PDE9A: variants seen among roughly 807,000 people sequenced by gnomAD.
PDE9A encodes phosphodiesterase 9A.
PDE9A carries 60 observed loss-of-function variants against 87.4 expected under a neutral mutation model. The ratio of observed to expected loss-of-function variants is 0.69; its 90% CI spans 0.56 to 0.85. The LOEUF (loss-of-function observed/expected upper bound fraction) is 0.85, where lower values mean the gene tolerates loss of function less well. PDE9A is among the 40% of genes least tolerant of loss of function. The probability of loss-of-function intolerance (pLI) is 0.00; values close to 1 mark genes in which losing one functional copy is unlikely to be tolerated. For missense variants in PDE9A, 665 were observed against 779.0 expected (o/e 0.85, Z 1.74); for synonymous variants, 272 against 279.4 (o/e 0.97, Z 0.27).
Position 42,692,821 on chromosome 21 carries a change from GC to G in PDE9A, c.218+4828del, listed in dbSNP as rs2059927819. 6.6e-6 allele frequency among the ~76,000 whole-genome samples: 1 copy of G among 152,094 alleles called. No individual in the cohort carries two copies. Among genetic ancestry groups the G allele is most frequent in the South Asian group, 2.1e-4 (1 of 4,824 alleles). On this transcript the variant is annotated intron_variant, in intron 3 of 19. Coordinates refer to ENST00000291539, the MANE Select transcript of PDE9A (RefSeq NM_002606.3). This position sits in a 1 kb window ranked among gnomAD's most constrained non-coding sequence, Gnocchi z 4.3. ...TCCTCCACTCGGTGCCTGGTGACAT[GC>G]GGCCATCCTCAGAGATGTGCTTCGG...
Position 42,726,609 on chromosome 21 carries a change from TATA to T in PDE9A, c.263-5160_263-5158del, listed in dbSNP as rs1569207166. Among the ~76,000 whole-genome samples, 14 of 25,502 alleles carry T rather than the reference TATA, an allele frequency of 5.5e-4. 1 individual carries two copies. Among genetic ancestry groups the T allele is most frequent in the African/African-American group, 3.8e-3 (14 of 3,728 alleles). The allele number at this position is 25,502 out of a possible 152,430, so 16.7% of individuals were successfully genotyped here. A position where few individuals can be genotyped will look rare whatever the true frequency, so the allele number is the denominator to read the frequency against. ...ACGCCTGGCCATATATATATATATA[TATA>T]TATATATATATATTTTTTTTTTTTT... On this transcript the variant is annotated intron_variant, in intron 4 of 19. Transcript: ENST00000291539.
intron 9 of PDE9A, among the ~76,000 whole-genome samples, chr21:42,751,697 C>G (rs373285818): frequency 1.3e-5 from 2 of 151,218 alleles, no homozygotes. Context: ...GCCGGTCACC[C>G]GCTCAACGCC....
In PDE9A at chr21:42,772,437, A is replaced by G. The variant is rs541489722; in HGVS notation, c.1687-2A>G. 9 of 1,601,606 alleles carry G rather than the reference A, an allele frequency of 5.6e-6. No individual in the cohort carries two copies. The East Asian group carries it at 2.0e-4, about 36-fold the overall frequency. On this transcript the variant is annotated splice_acceptor_variant, in intron 18 of 19. Transcript: ENST00000291539. LOFTEE classifies it high-confidence loss of function. ...CTTGGCCTTCTCTGTACTCTGTTCC[A>G]GTTACAGAAGAAGACTGACAGCTTG...
intron 1 of PDE9A, among the ~76,000 whole-genome samples, chr21:42,658,139 G>C (rs1376836349): frequency 6.6e-6 from 1 of 152,162 alleles, no homozygotes; most frequent in Non-Finnish European, 1.5e-5. Context: ...TGGGCAGCTG[G>C]TGGGGTCTGC....
At position 42,730,127 on chromosome 21, in the gene PDE9A, A is replaced by G. The variant is rs1402029167; in HGVS notation, c.263-1643A>G. ...AGTGATCTAAACCCCTGCTGAGTTC[A>G]CCAAGTGGCCTGTAAAACCCTATGA... On this transcript the variant is annotated intron_variant, in intron 4 of 19. Transcript: ENST00000291539. Among the ~76,000 whole-genome samples, 5 of 152,180 alleles carry G rather than the reference A, an allele frequency of 3.3e-5. No homozygotes were observed. The East Asian group carries it at 9.6e-4, about 29-fold the overall frequency.
chr21:42,656,590 G>A lies in PDE9A; in HGVS notation c.69+2707G>A, dbSNP rs375735987. ...AGAGGAGCCGCTGCAGCCACTTGGC[G>A]CCAGGCCAATGCTTTATTTATATGA... On this transcript the variant is annotated intron_variant, in intron 1 of 19. Coordinates refer to ENST00000291539, the MANE Select transcript of PDE9A (RefSeq NM_002606.3). Among the ~76,000 whole-genome samples the A allele has an allele frequency of 7.9e-5, 5 of 63,018 alleles. No individual in the cohort carries two copies. The East Asian group carries it at 1.4e-3, about 17-fold the overall frequency. The allele number at this position is 63,018 out of a possible 152,430, so 41.3% of individuals were successfully genotyped here.
intron 1 of PDE9A, among the ~76,000 whole-genome samples, chr21:42,664,796 CG>C (rs1369446004): frequency 6.6e-6 from 1 of 152,218 alleles, no homozygotes; most frequent in African/African-American, 2.4e-5. Flanking sequence ...ACGGCCGGGT[CG>C]GCCTTGCGAG....
intron 1 of PDE9A, among the ~76,000 whole-genome samples, chr21:42,673,997 C>T (rs1344066956): frequency 6.6e-6 from 1 of 152,220 alleles, no homozygotes; most frequent in East Asian, 1.9e-4. Context: ...GAGTGTGTTG[C>T]TTTGCAATTA....
chr21:42,752,381 C>T (rs1233960002), intron 9 of PDE9A, among the ~76,000 whole-genome samples: 4 of 151,558 alleles, frequency 2.6e-5, no homozygotes, highest in Admixed American at 2.6e-4. Context: ...AAGTGATTCT[C>T]CTGCCTCAGC....
intron 4 of PDE9A, among the ~76,000 whole-genome samples, chr21:42,720,262 G>C (rs1244822120): frequency 1.3e-5 from 2 of 152,208 alleles, no homozygotes; most frequent in Non-Finnish European, 2.9e-5. Flanking sequence ...GGGAGGCCAA[G>C]GCGGGCGGAT....
At chr21:42,750,466 G>GTT (rs1050505541) in intron 8 of PDE9A, among the ~76,000 whole-genome samples, 2 of 145,192 alleles carry the variant, frequency 1.4e-5, no homozygotes, top group Non-Finnish European at 3.0e-5. Flanking sequence ...ATATTTTGGT[G>GTT]TTTTTTTTTT....
chr21:42,710,280 G>A (rs2049201632), intron 4 of PDE9A, among the ~76,000 whole-genome samples: 1 of 151,962 alleles, frequency 6.6e-6, no homozygotes, highest in Non-Finnish European at 1.5e-5. Flanking sequence ...GTGGTGGTGT[G>A]TGCCTGTAGT....
intron 13 of PDE9A, among the ~76,000 whole-genome samples, chr21:42,761,262 C>G (rs1052205859): frequency 2.0e-5 from 3 of 152,258 alleles, no homozygotes; most frequent in South Asian, 4.1e-4. Context: ...TCCACACCCC[C>G]CTCTCAGGAG....
In PDE9A at chr21:42,760,388, G is replaced by A. The variant is rs1196221237; in HGVS notation, c.958G>A (p.Val320Met). The A allele has an allele frequency of 2.1e-5, 33 of 1,609,390 alleles. No individual in the cohort carries two copies. Among genetic ancestry groups the A allele is most frequent in the Non-Finnish European group, 2.5e-5 (30 of 1,179,416 alleles). The change falls in exon 12 of 20, where the codon GTG becomes ATG. Residue 320 changes from valine (V) to methionine (M), a missense_variant. Transcript: ENST00000291539. This position sits in a 1 kb window ranked among gnomAD's most constrained non-coding sequence, Gnocchi z 5.2. Reference protein sequence around the residue: ...PFHNFRHCFCVAQMMYSMVWL... With the variant: ...PFHNFRHCFCMAQMMYSMVWL... ...CCACAACTTCCGGCACTGCTTCTGC[G>A]TGGCCCAGATGATGTACAGCATGGT...
At chr21:42,754,519 A>G (rs768988198) in intron 10 of PDE9A, among the ~76,000 whole-genome samples, 2 of 152,244 alleles carry the variant, frequency 1.3e-5, no homozygotes, top group Non-Finnish European at 2.9e-5. Context: ...GCTGCCCCAG[A>G]TAAGTGGACA....
rs889070894 is a variant in PDE9A at position 42,692,155 on chromosome 21, A to G, written c.218+4161A>G. ...CTGCTGGATTTCCAGCCCCTAAACG[A>G]GGCGGGGCATGCTGGGTGCAGGATG... On this transcript the variant is annotated intron_variant, in intron 3 of 19. Transcript: ENST00000291539. This position sits in a 1 kb window ranked among gnomAD's most constrained non-coding sequence, Gnocchi z 4.3. Among the ~76,000 whole-genome samples, 1 of 152,092 alleles carries G rather than the reference A, an allele frequency of 6.6e-6. No individual in the cohort carries two copies. Among genetic ancestry groups the G allele is most frequent in the African/African-American group, 2.4e-5 (1 of 41,398 alleles).
chr21:42,677,366 T>A (rs1161998478), intron 1 of PDE9A, among the ~76,000 whole-genome samples: 2 of 152,186 alleles, frequency 1.3e-5, no homozygotes, highest in Non-Finnish European at 2.9e-5. Flanking sequence ...CATAGATATG[T>A]TTTTTAATGA....
At chr21:42,751,845 C>T (rs2054468742) in intron 9 of PDE9A, among the ~76,000 whole-genome samples, 1 of 148,122 alleles carries the variant, frequency 6.8e-6, no homozygotes, top group Non-Finnish European at 1.5e-5. Context: ...CTCCTGGGTT[C>T]AAGCAATTCT....
intron 1 of PDE9A, among the ~76,000 whole-genome samples, chr21:42,674,641 C>G (rs1446711223): frequency 6.6e-6 from 1 of 152,164 alleles, no homozygotes; most frequent in Non-Finnish European, 1.5e-5. Context: ...TGTTCGTCCT[C>G]CCCCAGGTCC....
Sources: allele counts gnomAD v4.1 joint callset (sites outside exome capture counted in the v4.1 genomes callset), GRCh38; gene constraint gnomAD v4.1.1; non-coding constraint Gnocchi (gnomAD v3.1); transcripts MANE v1.5; gene names NCBI Gene and HGNC (gene_info 2026-07-23, HGNC 2026-07-21).